The following CTC1 variants were observed in gnomAD, a reference collection of about 807,000 sequenced individuals.
CTC1 encodes the protein CST telomere replication complex component 1, also known as CST complex subunit CTC1.
CTC1 carries 91 observed loss-of-function variants against 136.3 expected under a neutral mutation model. That is an observed-to-expected ratio of 0.67 (90% CI 0.56 to 0.79). CTC1 has a LOEUF of 0.79. CTC1 is among the 30% of genes least tolerant of loss of function. The probability of loss-of-function intolerance (pLI) is 0.00; values close to 1 mark genes in which losing one functional copy is unlikely to be tolerated. For missense variants in CTC1, 1,432 were observed against 1,498.1 expected (o/e 0.96, Z 0.73); for synonymous variants, 606 against 613.8 (o/e 0.99, Z 0.19).
intron 14 of CTC1, 47 bp downstream of exon 14, chr17:8,231,679 C>T (rs753816301): frequency 3.8e-6 from 6 of 1,577,828 alleles, no homozygotes; most frequent in Non-Finnish European, 5.2e-6. Context: ...AGACCCCAAC[C>T]CCAAAAAAGC....
Position 8,225,003 on chromosome 17 carries a change from A to T in CTC1, c.*3177T>A, listed in dbSNP as rs1447489075. On this transcript the variant is annotated 3_prime_UTR_variant, in exon 23 of 23. Transcript: ENST00000651323. ...CAGGCGCCTGCCACCACGCCTGGCT[A>T]ATTTTTTGCATTTTTAGTAGAGACG... 1.3e-5 allele frequency: 2 copies of T among 152,044 alleles called. No homozygotes were observed. Among genetic ancestry groups the T allele is most frequent in the Non-Finnish European group, 2.9e-5 (2 of 68,006 alleles). The allele number at this position is 152,044 out of a possible 1,614,324, so 9.4% of individuals were successfully genotyped here.
Position 8,231,412 on chromosome 17 carries a change from A to C in CTC1, c.2533T>G (p.Leu845Val), listed in dbSNP as rs201318530. The change falls in exon 15 of 23, where the codon TTG becomes GTG. Residue 845 changes from leucine to valine, a missense_variant. Transcript: ENST00000651323. ...GTGAGGCAGGATGCACAGCCAGCCA[A>C]CTCCAGAGGACGCCGAGATATGCAG... Reference protein sequence around the residue: ...SSCISRRPLELAGCASCLTVQ... With the variant: ...SSCISRRPLEVAGCASCLTVQ... The C allele has an allele frequency of 6.2e-7, 1 of 1,613,380 alleles. No individual in the cohort carries two copies. The highest frequency in any genetic ancestry group is 1.3e-5 in the African/African-American group (1 of 75,002).
At position 8,235,097 on chromosome 17, in the gene CTC1, G is replaced by C; in HGVS notation, c.1395C>G (p.Pro465=). 1 of 1,614,144 alleles carries C rather than the reference G, an allele frequency of 6.2e-7. No homozygotes were observed. Among genetic ancestry groups the C allele is most frequent in the Non-Finnish European group, 8.5e-7 (1 of 1,180,010 alleles). ...GGGCCTTGGTAGCCCACAGGTAGAG[G>C]GGAAGTCCTAACTGACGTTCCCACA... ...QLVWERQLGL[P]LYLWATKALE... is the part of the protein sequence containing the mutation. Residue 465 remains proline (P), a synonymous_variant, in exon 8 of 23, where the codon CCC becomes CCG. Transcript: ENST00000651323.
chr17:8,228,577 G>A lies in CTC1; in HGVS notation c.3440C>T (p.Thr1147Ile), dbSNP rs771446414. The change falls in exon 22 of 23, where the codon ACT (threonine) becomes ATT (isoleucine). Residue 1147 changes from threonine (T) to isoleucine (I), a missense_variant. Physicochemically the swap from Thr to Ile is moderately conservative, Grantham distance 89. Coordinates refer to ENST00000651323, the MANE Select transcript of CTC1 (RefSeq NM_025099.6). ...AATAGGACGGAGGACAGAGGGGCTA[G>A]TACAAAGTGTCCAGAGGAACATGGT... ...PMTMFLWTLC[T>I]SPSVLRPIVL... is the part of the protein sequence containing the mutation. 1 of 1,614,188 alleles carries A rather than the reference G, an allele frequency of 6.2e-7. No homozygotes were observed. The highest frequency in any genetic ancestry group is 1.1e-5 in the South Asian group (1 of 91,088).
At position 8,237,427 on chromosome 17, in the gene CTC1, A is replaced by G. The variant is rs774742711; in HGVS notation, c.740T>C (p.Leu247Pro). The stretch of plus-strand genomic sequence containing the variant: ...AGCTGGGTGTGATCTACCAAGAGAC[A>G]GGATGAAGTAAGCTTTCTGTTTACT... The part of the protein sequence containing the change: ...VKSKQKAYFI[L>P]SLGRSHPAVT... The change falls in exon 5 of 23, where the codon CTG becomes CCG. Residue 247 changes from leucine (L) to proline (P), a missense_variant. Leu to Pro is a moderately conservative substitution (Grantham distance 98, BLOSUM62 -3). Coordinates refer to ENST00000651323, the MANE Select transcript of CTC1 (RefSeq NM_025099.6). The G allele has an allele frequency of 7.4e-6, 12 of 1,614,002 alleles. No individual in the cohort carries two copies. Among genetic ancestry groups the G allele is most frequent in the Non-Finnish European group, 1.0e-5 (12 of 1,180,014 alleles).
intron 2 of CTC1, among the ~76,000 whole-genome samples, chr17:8,240,371 G>A (rs1199449381): frequency 1.3e-5 from 2 of 151,152 alleles, no homozygotes; most frequent in African/African-American, 4.9e-5. Context: ...GGCCAGGCTG[G>A]TCTCGAACTC....
At position 8,230,573 on chromosome 17, in the gene CTC1, C is replaced by G; in HGVS notation, c.2748G>C (p.Trp916Cys). 6.2e-7 allele frequency: 1 copy of G among 1,614,126 alleles called. No individual in the cohort carries two copies. The highest frequency in any genetic ancestry group is 8.5e-7 in the Non-Finnish European group (1 of 1,180,010). ...TLCEPLVASLWMKLGNTGAMR... is the reference protein window; with the variant it reads ...TLCEPLVASLCMKLGNTGAMR... ...AGGAAGGGTCATTACCCAGTTTCAT[C>G]CAGAGAGACGCCACAAGGGGTTCAC... Residue 916 changes from tryptophan (W) to cysteine (C), a missense_variant, in exon 16 of 23, where the codon TGG (tryptophan) becomes TGC (cysteine). Transcript: ENST00000651323.
At chr17:8,236,023 G>A (rs1390173118) in intron 6 of CTC1, 35 bp downstream of exon 6, 1 of 1,598,902 alleles carries the variant, frequency 6.3e-7, no homozygotes, top group Non-Finnish European at 8.6e-7. Flanking sequence ...CACATTTCTG[G>A]CCCCTCAAGC....
chr17:8,229,342 A>AGCTGAAG lies in CTC1; in HGVS notation c.3109_3115dup (p.Leu1039ProfsTer53), dbSNP rs1987011229. On this transcript the variant is annotated frameshift_variant, in exon 19 of 23. Transcript: ENST00000651323. LOFTEE classifies it high-confidence loss of function. Reference sequence around the variant, plus strand: ...GGTACAATAAGCACACACCCAGAAGAGCTGAAGGCTGAAGACAGAGACGAT... The same window carrying AGCTGAAG: ...GGTACAATAAGCACACACCCAGAAGAGCTGAAGGCTGAAGGCTGAAGACAGAGACGAT... 6.2e-7 allele frequency: 1 copy of AGCTGAAG among 1,614,082 alleles called. No homozygotes were observed. The highest frequency in any genetic ancestry group is 8.5e-7 in the Non-Finnish European group (1 of 1,180,046).
In CTC1 at chr17:8,235,962, G is replaced by A. The variant is rs1019110434; in HGVS notation, c.1078-3C>T. The A allele has an allele frequency of 3.7e-6, 6 of 1,603,766 alleles. No homozygotes were observed. In the Admixed American group the frequency reaches 8.4e-5, roughly 22 times the overall value. ...TTCAACACGCCAGTGACTGCTCCCT[G>A]CAAACAGGCCGAGGTCCAGTTGACC... On this transcript the variant is annotated splice_polypyrimidine_tract_variant and splice_region_variant and intron_variant, in intron 6 of 22. Coordinates refer to ENST00000651323, the MANE Select transcript of CTC1 (RefSeq NM_025099.6).
chr17:8,247,926 G>C, intron 1 of CTC1, 78 bp downstream of exon 1: 1 of 1,479,368 alleles, frequency 6.8e-7, no homozygotes, highest in East Asian at 2.4e-5. Context: ...AGAGAGACAA[G>C]GCAGAGGAAA....
Position 8,231,369 on chromosome 17 carries a change from G to A in CTC1, c.2576C>T (p.Thr859Ile), listed in dbSNP as rs754425018. 24 of 1,613,102 alleles carry A rather than the reference G, an allele frequency of 1.5e-5. No homozygotes were observed. The Admixed American group carries it at 4.0e-4, about 27-fold the overall frequency. ...ATCCTGGGAGCTTTCAAGCTCCAGA[G>A]TCCAGTTGTCCTGGACAGTGAGGCA... ...ASCLTVQDNW[T>I]LELESSQDIQ... is the part of the protein sequence containing the mutation. Residue 859 changes from threonine (T) to isoleucine (I), a missense_variant, in exon 15 of 23, where the codon ACT (threonine) becomes ATT (isoleucine). Physicochemically the swap from Thr to Ile is moderately conservative, Grantham distance 89. Transcript: ENST00000651323.
rs373530008 is a variant in CTC1 at position 8,230,332 on chromosome 17, G to A, written c.2895C>T (p.Ala965=). The A allele has an allele frequency of 1.6e-4, 253 of 1,613,732 alleles. No homozygotes were observed. The highest frequency in any genetic ancestry group is 2.7e-4 in the Admixed American group (16 of 59,978). The stretch of plus-strand genomic sequence containing the variant: ...TCTCCAACTGGCTGAAGTGGACCCG[G>A]GCTCCTGGAAGTAGTCCTAGTGAGG... ...LPPSLGLLPG[A]RVHFSQLEKR... Residue 965 remains alanine, a synonymous_variant, in exon 17 of 23, where the codon GCC becomes GCT. Transcript: ENST00000651323.
chr17:8,235,562 C>T (rs1987643916), intron 7 of CTC1, among the ~76,000 whole-genome samples: 1 of 152,098 alleles, frequency 6.6e-6, no homozygotes, highest in Non-Finnish European at 1.5e-5. Flanking sequence ...TCACCCCAGC[C>T]CCAGATCTGT....
Position 8,230,329 on chromosome 17 carries a change from C to T in CTC1, c.2898G>A (p.Arg966=). ...PPSLGLLPGA[R]VHFSQLEKRV... The stretch of plus-strand genomic sequence containing the variant: ...TTTTCTCCAACTGGCTGAAGTGGAC[C>T]CGGGCTCCTGGAAGTAGTCCTAGTG... The change falls in exon 17 of 23, where the codon CGG becomes CGA. Residue 966 remains arginine, a synonymous_variant. Coordinates refer to ENST00000651323, the MANE Select transcript of CTC1 (RefSeq NM_025099.6). The T allele has an allele frequency of 6.2e-7, 1 of 1,613,706 alleles. No homozygotes were observed. The highest frequency in any genetic ancestry group is 1.1e-5 in the South Asian group (1 of 91,040).
chr17:8,237,207 C>T (rs1398903134), intron 5 of CTC1, among the ~76,000 whole-genome samples, 168 bp downstream of exon 5: 1 of 152,122 alleles, frequency 6.6e-6, no homozygotes, highest in East Asian at 1.9e-4. Flanking sequence ...CTCCCTAACT[C>T]TATGCACAAA....
Position 8,226,973 on chromosome 17 carries a change from C to A in CTC1, c.*1207G>T, listed in dbSNP as rs1986751708. On this transcript the variant is annotated 3_prime_UTR_variant, in exon 23 of 23. Coordinates refer to ENST00000651323, the MANE Select transcript of CTC1 (RefSeq NM_025099.6). Reference sequence around the variant, plus strand: ...AGAGGGTCAGAAAACAAAACACACACAAAAAAAAGCCACCCACTGGCCCGT... The same window carrying A: ...AGAGGGTCAGAAAACAAAACACACAAAAAAAAAAGCCACCCACTGGCCCGT... 1.3e-5 allele frequency: 2 copies of A among 152,046 alleles called. No homozygotes were observed. The highest frequency in any genetic ancestry group is 1.5e-5 in the Non-Finnish European group (1 of 67,926). The allele number at this position is 152,046 out of a possible 1,614,324, so 9.4% of individuals were successfully genotyped here.
chr17:8,243,182 C>T, intron 1 of CTC1, 34 bp from the exon 2 acceptor site: 1 of 1,586,030 alleles, frequency 6.3e-7, no homozygotes, highest in African/African-American at 1.4e-5. Context: ...AACATCTTGA[C>T]TATCCGGCCC....
At chr17:8,236,404 G>A in intron 5 of CTC1, 62 bp from the exon 6 acceptor site, 1 of 1,532,454 alleles carries the variant, frequency 6.5e-7, no homozygotes, top group Non-Finnish European at 8.8e-7. Context: ...CTCTGCCAGA[G>A]TCCTTTTCCC....
Sources: gnomAD v4.1 joint callset for allele counts (sites outside exome capture counted in the v4.1 genomes callset) on GRCh38, gnomAD v4.1.1 for gene constraint, MANE v1.5 for transcripts, NCBI Gene and HGNC (gene_info 2026-07-23, HGNC 2026-07-21) for gene names.